The following FYB1 variants were observed in gnomAD, a reference collection of about 807,000 sequenced individuals.
The protein encoded by FYB1 is FYN-binding protein 1.
FYB1 carries 41 observed loss-of-function variants against 94.1 expected under a neutral mutation model. That is an observed-to-expected ratio of 0.44 (90% CI 0.34 to 0.57). The LOEUF is 0.57. Ranked by LOEUF, FYB1 falls within the 20% of genes least tolerant of loss-of-function variation. The pLI, the probability that FYB1 is intolerant of heterozygous loss-of-function variation, is 0.02. For missense variants in FYB1, 1,050 were observed against 976.8 expected (o/e 1.07, Z -1.00); for synonymous variants, 367 against 353.2 (o/e 1.04, Z -0.44).
intron 2 of FYB1, among the ~76,000 whole-genome samples, chr5:39,177,020 C>G (rs1383845963): frequency 6.6e-6 from 1 of 152,224 alleles, no homozygotes; most frequent in Non-Finnish European, 1.5e-5. Context: ...TATCCTCATT[C>G]TCCTGTATGT....
At chr5:39,128,376 A>C (rs1169678374) in intron 10 of FYB1, among the ~76,000 whole-genome samples, 1 of 152,152 alleles carries the variant, frequency 6.6e-6, no homozygotes, top group Non-Finnish European at 1.5e-5. Flanking sequence ...TTGTTTATTG[A>C]GTAGTTTCTA....
intron 2 of FYB1, among the ~76,000 whole-genome samples, chr5:39,195,956 A>T (rs696738): frequency 0.96 from 145,192 of 151,912 alleles, 69,441 homozygotes; most frequent in Middle Eastern, 0.98. Flanking sequence ...GGAAAAAAAA[A>T]TTTAGCTTCA....
At chr5:39,241,596 G>A (rs979983249) in intron 1 of FYB1, among the ~76,000 whole-genome samples, 5 of 152,092 alleles carry the variant, frequency 3.3e-5, no homozygotes, top group African/African-American at 9.7e-5. Flanking sequence ...GTGGGCAAGG[G>A]CACTACCCTA....
intron 1 of FYB1, among the ~76,000 whole-genome samples, chr5:39,206,792 T>C (rs1333752917): frequency 6.6e-6 from 1 of 152,204 alleles, no homozygotes; most frequent in Non-Finnish European, 1.5e-5. Flanking sequence ...AACCGGTGCA[T>C]ATGCAAACAT....
intron 1 of FYB1, among the ~76,000 whole-genome samples, chr5:39,260,505 C>T (rs554114980): frequency 5.1e-4 from 77 of 152,242 alleles, no homozygotes; most frequent in Non-Finnish European, 1.3e-4. Context: ...AATAAATTCA[C>T]GTCTCTGTGA....
intron 1 of FYB1, among the ~76,000 whole-genome samples, chr5:39,215,250 T>A (rs1410160992): frequency 6.6e-6 from 1 of 152,204 alleles, no homozygotes; most frequent in East Asian, 1.9e-4. Context: ...TGAAGAATTA[T>A]AAATTTAAAT....
intron 1 of FYB1, among the ~76,000 whole-genome samples, chr5:39,259,620 A>G (rs1468639182): frequency 6.6e-6 from 1 of 152,250 alleles, no homozygotes; most frequent in African/African-American, 2.4e-5. Flanking sequence ...AAAATCATCC[A>G]TGAAATATAC....
chr5:39,236,503 A>T (rs1750973269), intron 1 of FYB1, among the ~76,000 whole-genome samples: 1 of 152,050 alleles, frequency 6.6e-6, no homozygotes. Context: ...GTTTGGAAAA[A>T]ATTCAGAAAT....
chr5:39,121,898 G>A (rs553289359), intron 14 of FYB1, among the ~76,000 whole-genome samples: 3 of 152,166 alleles, frequency 2.0e-5, no homozygotes, highest in Non-Finnish European at 4.4e-5. Context: ...TGAGTGCTGA[G>A]ATGTAAGCTA....
chr5:39,143,541 C>A (rs567892357), intron 3 of FYB1, among the ~76,000 whole-genome samples: 1 of 149,516 alleles, frequency 6.7e-6, no homozygotes, highest in East Asian at 2.0e-4. Context: ...GTCCCTTCTC[C>A]AACTTTTGCC....
chr5:39,203,850 G>T (rs1266166509), intron 1 of FYB1, among the ~76,000 whole-genome samples: 1 of 152,068 alleles, frequency 6.6e-6, no homozygotes, highest in Non-Finnish European at 1.5e-5. Flanking sequence ...ACTTAGCAAA[G>T]ATAATAGGCA....
At chr5:39,148,191 A>G (rs1486812644) in intron 3 of FYB1, among the ~76,000 whole-genome samples, 4 of 86,194 alleles carry the variant, frequency 4.6e-5, no homozygotes, top group Admixed American at 1.3e-4. Context: ...ATATATATAT[A>G]TATATATATA....
At chr5:39,269,125 C>T (rs1276389448) in intron 1 of FYB1, among the ~76,000 whole-genome samples, 1 of 151,986 alleles carries the variant, frequency 6.6e-6, no homozygotes, top group Non-Finnish European at 1.5e-5. Context: ...TCTCGGCTCA[C>T]TGCAAGCTCT....
At chr5:39,225,294 C>A (rs900129730) in intron 1 of FYB1, among the ~76,000 whole-genome samples, 1 of 152,092 alleles carries the variant, frequency 6.6e-6, no homozygotes, top group African/African-American at 2.4e-5. Flanking sequence ...GAGCATTAGG[C>A]TGGGAAGGCT....
chr5:39,180,280 A>G (rs1228173162), intron 2 of FYB1, among the ~76,000 whole-genome samples: 1 of 152,230 alleles, frequency 6.6e-6, no homozygotes, highest in East Asian at 1.9e-4. Context: ...TGTTGGAAGA[A>G]GTGAGGAGGA....
intron 2 of FYB1, among the ~76,000 whole-genome samples, chr5:39,174,695 C>T (rs1467879978): frequency 1.3e-5 from 2 of 152,316 alleles, no homozygotes; most frequent in Non-Finnish European, 2.9e-5. Context: ...GAAGTTCTTT[C>T]TATCATGCCA....
rs745953946 is a variant in FYB1 at position 39,130,579 on chromosome 5, G to A, written c.1840+11C>T. The A allele has an allele frequency of 5.7e-6, 9 of 1,568,574 alleles. No individual in the cohort carries two copies. The highest frequency in any genetic ancestry group is 4.6e-5 in the East Asian group (2 of 43,234). ...ATTGTAAAATGTCATTTTAAGAAGC[G>A]TGTGGCTTACCTCCACTTCCACTCT... On this transcript the variant is annotated intron_variant, in intron 10 of 18. Transcript: ENST00000512982.
chr5:39,170,301 T>C (rs1745133822), intron 2 of FYB1: 2 of 1,395,672 alleles, frequency 1.4e-6, no homozygotes, highest in African/African-American at 1.5e-5. Flanking sequence ...AAAGATCTTC[T>C]GTCTTTCCAG....
intron 1 of FYB1, among the ~76,000 whole-genome samples, chr5:39,261,894 TG>T (rs1413512119): frequency 2.0e-5 from 3 of 151,980 alleles, no homozygotes; most frequent in African/African-American, 7.3e-5. Context: ...TAGAAAGTGA[TG>T]GGGGAAAAGA....
Sources: allele counts gnomAD v4.1 joint callset (sites outside exome capture counted in the v4.1 genomes callset), GRCh38; gene constraint gnomAD v4.1.1; transcripts MANE v1.5; gene names NCBI Gene and HGNC (gene_info 2026-07-23, HGNC 2026-07-21).